The following NEK11 variants were observed in gnomAD, a reference collection of about 807,000 sequenced individuals.
The protein encoded by NEK11 is NIMA related kinase 11, also known as serine/threonine-protein kinase Nek11.
Under a neutral mutation model 80.7 loss-of-function variants are expected in NEK11, and 72 were observed. The observed-to-expected ratio is 0.89, with a 90% CI of 0.74 to 1.08. The LOEUF is 1.08. NEK11 is among the 50% of genes least tolerant of loss of function. The pLI, the probability that NEK11 is intolerant of heterozygous loss-of-function variation, is 0.00. For synonymous variants in NEK11, 251 were observed against 260.7 expected (o/e 0.96, Z 0.36); for missense variants, 764 against 763.6 (o/e 1.00, Z -0.01).
chr3:131,245,222 AG>A (rs975227601), intron 16 of NEK11, among the ~76,000 whole-genome samples: 11 of 152,096 alleles, frequency 7.2e-5, no homozygotes, highest in Non-Finnish European at 1.5e-4. Context: ...GTTTCACTTA[AG>A]ATAATGGCCT....
At chr3:131,126,493 T>C (rs889614561) in intron 5 of NEK11, among the ~76,000 whole-genome samples, 1 of 152,240 alleles carries the variant, frequency 6.6e-6, no homozygotes, top group Non-Finnish European at 1.5e-5. Flanking sequence ...AAATTCCAGA[T>C]TGACAGATTT....
At chr3:131,053,555 A>G (rs1434870509) in intron 3 of NEK11, 1 of 152,194 alleles carries the variant, frequency 6.6e-6, no homozygotes, top group Non-Finnish European at 1.5e-5. Context: ...TTCTTTTTTA[A>G]AAGAAAAAGG....
chr3:131,102,800 T>C (rs1347055061), intron 4 of NEK11, among the ~76,000 whole-genome samples: 1 of 152,214 alleles, frequency 6.6e-6, no homozygotes, highest in African/African-American at 2.4e-5. Flanking sequence ...CTCTCAGGAA[T>C]ACCATTGAGT....
intron 17 of NEK11, among the ~76,000 whole-genome samples, chr3:131,323,221 A>T (rs1387483325): frequency 6.6e-6 from 1 of 152,208 alleles, no homozygotes; most frequent in Non-Finnish European, 1.5e-5. Flanking sequence ...GAAAGCAATT[A>T]AAAAACTCAG....
chr3:131,275,841 T>C (rs1202861786), intron 17 of NEK11, among the ~76,000 whole-genome samples: 1 of 152,188 alleles, frequency 6.6e-6, no homozygotes, highest in Non-Finnish European at 1.5e-5. Context: ...TTTGTCTCCA[T>C]AGAGATTATA....
rs750640296 is a variant in NEK11 at position 131,080,574 on chromosome 3, A to G, written c.322A>G (p.Thr108Ala). 5 of 1,612,534 alleles carry G rather than the reference A, an allele frequency of 3.1e-6. No individual in the cohort carries two copies. The highest frequency in any genetic ancestry group is 3.4e-5 in the Admixed American group (2 of 59,666). ...FVEQDNFCII[T>A]EYCEGRDLDD... ...GGAGCAAGATAATTTCTGCATTATC[A>G]CGGAGTACTGTGAGGTGAGACTCTC... The change falls in exon 4 of 18, where the codon ACG (threonine) becomes GCG (alanine). Residue 108 changes from threonine (T) to alanine (A), a missense_variant. Transcript: ENST00000383366.
chr3:131,086,428 A>AT (rs2075988894), intron 4 of NEK11, among the ~76,000 whole-genome samples: 1 of 151,956 alleles, frequency 6.6e-6, no homozygotes, highest in African/African-American at 2.4e-5. Context: ...CCATCCATGT[A>AT]TTTTTTCAGT....
rs142581230 is a variant in NEK11, at chr3:131,181,485, G to A, written c.1399+10598G>A. ...GTGTTGGCTGGGCGCAATGGCTCACGCCTGTAATCCCAGCACTTTGGGAGG... is the reference window on the plus strand; with the variant it reads ...GTGTTGGCTGGGCGCAATGGCTCACACCTGTAATCCCAGCACTTTGGGAGG... On this transcript the variant is annotated intron_variant, in intron 14 of 17. Transcript: ENST00000383366. Among the ~76,000 whole-genome samples, 578 of 152,252 alleles carry A rather than the reference G, an allele frequency of 3.8e-3. 25 individuals carry two copies. In the East Asian group the frequency reaches 0.094, roughly 25 times the overall value.
At chr3:131,287,582 T>C (rs758379580) in intron 17 of NEK11, among the ~76,000 whole-genome samples, 2 of 152,136 alleles carry the variant, frequency 1.3e-5, no homozygotes, top group Non-Finnish European at 2.9e-5. Context: ...CCAAAGATCT[T>C]TGTTTCAAGC....
intron 7 of NEK11, among the ~76,000 whole-genome samples, chr3:131,144,435 CAAAT>C (rs974185815): frequency 6.6e-6 from 1 of 151,976 alleles, no homozygotes; most frequent in Non-Finnish European, 1.5e-5. Context: ...ACCTGGGAGT[CAAAT>C]AAGGGAAAAT....
Position 131,349,719 on chromosome 3 carries a change from T to C in NEK11, c.1881T>C (p.Phe627=). 1 of 1,614,194 alleles carries C rather than the reference T, an allele frequency of 6.2e-7. No homozygotes were observed. Among genetic ancestry groups the C allele is most frequent in the African/African-American group, 1.3e-5 (1 of 75,056 alleles). The part of the protein sequence containing the change: ...DCFEVDQLLY[F]EEQLLITMGK... ...TTGAAGTGGACCAGCTCCTGTACTT[T>C]GAAGAGCAGTTGCTGATCACGATGG... The change falls in exon 18 of 18, where the codon TTT becomes TTC. Residue 627 remains phenylalanine (F), a synonymous_variant. Coordinates refer to ENST00000383366, the MANE Select transcript of NEK11 (RefSeq NM_024800.5).
rs560972695 is a variant in NEK11, at chr3:131,129,477, A to G, written c.456-3268A>G. Among the ~76,000 whole-genome samples, 74 of 152,192 alleles carry G rather than the reference A, an allele frequency of 4.9e-4. 1 individual carries two copies. The South Asian group carries it at 0.014, about 29-fold the overall frequency. ...TATTTTAATAAAGTCTAGCTTCTCAATTCTTTCATGGATTGTGACTTTGGT... is the reference window on the plus strand; with the variant it reads ...TATTTTAATAAAGTCTAGCTTCTCAGTTCTTTCATGGATTGTGACTTTGGT... On this transcript the variant is annotated intron_variant, in intron 5 of 17. Transcript: ENST00000383366.
intron 3 of NEK11, among the ~76,000 whole-genome samples, chr3:131,043,328 G>A (rs1849489): frequency 1 from 152,278 of 152,328 alleles, 76,114 homozygotes; most frequent in Middle Eastern, 1. Context: ...CTAAAGGAGC[G>A]TGTTCTAACC....
At chr3:131,238,897 A>C (rs927101549) in intron 15 of NEK11, among the ~76,000 whole-genome samples, 16 of 152,274 alleles carry the variant, frequency 1.1e-4, no homozygotes, top group Admixed American at 9.8e-4. Context: ...GCATTTCACG[A>C]TGTGCAAATT....
chr3:131,326,610 G>T (rs181577281), intron 17 of NEK11, among the ~76,000 whole-genome samples: 13 of 152,244 alleles, frequency 8.5e-5, no homozygotes, highest in Admixed American at 7.2e-4. Context: ...ATGAGCAAAA[G>T]TAGCCTCACC....
intron 12 of NEK11, among the ~76,000 whole-genome samples, chr3:131,168,368 T>A (rs2092420035): frequency 6.6e-6 from 1 of 150,918 alleles, no homozygotes; most frequent in South Asian, 2.1e-4. Flanking sequence ...TTTATTTATT[T>A]TTTTTTGAGA....
Position 131,349,833 on chromosome 3 carries a change from T to A in NEK11, c.*57T>A. ...GGACAAATTTATGTGAAAATTCATTTAACATATAAGCTGAACTCTATTATG... is the reference window on the plus strand; with the variant it reads ...GGACAAATTTATGTGAAAATTCATTAAACATATAAGCTGAACTCTATTATG... On this transcript the variant is annotated 3_prime_UTR_variant, in exon 18 of 18. Transcript: ENST00000383366. The A allele has an allele frequency of 7.4e-7, 1 of 1,344,322 alleles. No individual in the cohort carries two copies. The highest frequency in any genetic ancestry group is 1.1e-6 in the Non-Finnish European group (1 of 942,026). The allele number at this position is 1,344,322 out of a possible 1,614,324, so 83.3% of individuals were successfully genotyped here.
At chr3:131,156,179 A>G (rs754609901) in intron 10 of NEK11, among the ~76,000 whole-genome samples, 1 of 152,184 alleles carries the variant, frequency 6.6e-6, no homozygotes, top group African/African-American at 2.4e-5. Context: ...TTGACTTCAG[A>G]TGGTCACTGC....
chr3:131,333,507 A>C (rs2110118955), intron 17 of NEK11, among the ~76,000 whole-genome samples: 1 of 152,356 alleles, frequency 6.6e-6, no homozygotes, highest in African/African-American at 2.4e-5. Context: ...CAGCCACTGC[A>C]AAATCATGCC....
Sources: gnomAD v4.1 joint callset for allele counts (sites outside exome capture counted in the v4.1 genomes callset) on GRCh38, gnomAD v4.1.1 for gene constraint, MANE v1.5 for transcripts, NCBI Gene and HGNC (gene_info 2026-07-23, HGNC 2026-07-21) for gene names.